CFAP221: variants seen among roughly 807,000 people sequenced by gnomAD.
CFAP221 encodes cilia and flagella associated protein 221, also known as cilia- and flagella-associated protein 221.
Under a neutral mutation model 113.1 loss-of-function variants are expected in CFAP221, and 97 were observed. That is an observed-to-expected ratio of 0.86 (90% CI 0.73 to 1.02). The LOEUF (loss-of-function observed/expected upper bound fraction) is 1.02, where lower values mean the gene tolerates loss of function less well. CFAP221 is among the 50% of genes least tolerant of loss of function. The pLI is 0.00. For missense variants in CFAP221, 1,025 were observed against 1,013.4 expected (o/e 1.01, Z -0.16); for synonymous variants, 331 against 354.4 (o/e 0.93, Z 0.74).
chr2:119,611,441 G>GGAGGTATC (rs1685159343), intron 12 of CFAP221, among the ~76,000 whole-genome samples: 1 of 87,304 alleles, frequency 1.1e-5, no homozygotes, highest in Non-Finnish European at 2.7e-5. Flanking sequence ...AAAAAAAAAA[G>GGAGGTATC]GAGGTATCGA....
At chr2:119,559,836 T>G (rs931932265) in intron 4 of CFAP221, 61 bp downstream of exon 4, 7 of 1,461,964 alleles carry the variant, frequency 4.8e-6, no homozygotes, top group African/African-American at 2.8e-5. Context: ...CAGGCCTGTG[T>G]GGGGTGGGGG....
At chr2:119,562,158 C>A in intron 6 of CFAP221, 44 bp downstream of exon 6, 1 of 1,274,028 alleles carries the variant, frequency 7.8e-7, no homozygotes, top group Non-Finnish European at 1.1e-6. Flanking sequence ...ATGTGAAAAA[C>A]TAAGAGATAC....
intron 7 of CFAP221, among the ~76,000 whole-genome samples, chr2:119,600,518 AC>A: frequency 6.6e-6 from 1 of 152,354 alleles, no homozygotes; most frequent in South Asian, 2.1e-4. Context: ...TAGAAGTGAC[AC>A]AATCAAATAA....
rs368674563 is a variant in CFAP221 at position 119,608,607 on chromosome 2, T to C, written c.1221+18T>C. ...AATATAAGGTCAGAGTTACTGCTAA[T>C]TTGCTATCATTTGTTTCGCTAGATG... On this transcript the variant is annotated intron_variant, in intron 12 of 23. Coordinates refer to ENST00000413369, the MANE Select transcript of CFAP221 (RefSeq NM_001271049.2). 4 of 1,581,880 alleles carry C rather than the reference T, an allele frequency of 2.5e-6. No individual in the cohort carries two copies. The African/African-American group carries it at 5.4e-5, about 22-fold the overall frequency.
intron 6 of CFAP221, among the ~76,000 whole-genome samples, chr2:119,574,348 A>T (rs188502968): frequency 3.9e-5 from 6 of 152,348 alleles, no homozygotes; most frequent in Admixed American, 1.3e-4. Flanking sequence ...GCATGTACAC[A>T]TTGTGGCTTC....
At chr2:119,610,237 C>T (rs189716547) in intron 12 of CFAP221, among the ~76,000 whole-genome samples, 30 of 152,270 alleles carry the variant, frequency 2.0e-4, no homozygotes, top group African/African-American at 6.3e-4. Flanking sequence ...GCAGCCCAGA[C>T]GCCCTGGAAT....
intron 21 of CFAP221, among the ~76,000 whole-genome samples, chr2:119,646,565 C>T (rs951807707): frequency 6.6e-6 from 1 of 152,178 alleles, no homozygotes; most frequent in Middle Eastern, 3.2e-3. Flanking sequence ...CCCCCGCGAT[C>T]CAATCACCTC....
At chr2:119,619,705 G>A (rs967101481) in intron 14 of CFAP221, among the ~76,000 whole-genome samples, 7 of 152,020 alleles carry the variant, frequency 4.6e-5, no homozygotes, top group Admixed American at 1.3e-4. Context: ...ACAATTCCTC[G>A]ACAGCAAGGG....
chr2:119,638,368 G>T lies in CFAP221; in HGVS notation c.2084G>T (p.Arg695Leu). Residue 695 changes from arginine to leucine, a missense_variant, in exon 20 of 24, where the codon CGC (arginine) becomes CTC (leucine). Physicochemically the swap from Arg to Leu is moderately radical, Grantham distance 102 (BLOSUM62 -2). Transcript: ENST00000413369. The part of the protein sequence containing the change: ...HPKYKFTKES[R>L]HGSSIPVTQK... ...AAGTACAAATTCACCAAAGAGTCCC[G>T]CCACGGGTCCAGCATTCCTGTCACC... 1.2e-6 allele frequency: 2 copies of T among 1,614,080 alleles called. No individual in the cohort carries two copies. Among genetic ancestry groups the T allele is most frequent in the Non-Finnish European group, 1.7e-6 (2 of 1,180,014 alleles).
chr2:119,605,696 C>T (rs1027763097), intron 11 of CFAP221, among the ~76,000 whole-genome samples: 7 of 152,134 alleles, frequency 4.6e-5, no homozygotes, highest in Non-Finnish European at 8.8e-5. Flanking sequence ...CTGGGGGGCT[C>T]CTAATGGAGG....
At chr2:119,608,454 C>T (rs867373975) in intron 11 of CFAP221, 48 bp from the exon 12 acceptor site, 1 of 1,382,700 alleles carries the variant, frequency 7.2e-7, no homozygotes, top group Non-Finnish European at 9.9e-7. Context: ...AAAGTTGACT[C>T]TGGTATTCTG....
At position 119,605,185 on chromosome 2, in the gene CFAP221, G is replaced by T; in HGVS notation, c.1029G>T (p.Leu343Phe). ...KLKIKELREVLDQGTEISKTR... is the reference protein window; with the variant it reads ...KLKIKELREVFDQGTEISKTR... Reference sequence around the variant, plus strand: ...ATTGTCTGCTCCTGCCTTCAGTTTTGGACCAGGGCACTGAAATTTCAAAAA... The same window carrying T: ...ATTGTCTGCTCCTGCCTTCAGTTTTTGACCAGGGCACTGAAATTTCAAAAA... Residue 343 changes from leucine (L) to phenylalanine (F), a missense_variant, in exon 11 of 24, where the codon TTG (leucine) becomes TTT (phenylalanine). Coordinates refer to ENST00000413369, the MANE Select transcript of CFAP221 (RefSeq NM_001271049.2). The T allele has an allele frequency of 6.2e-7, 1 of 1,613,238 alleles. No homozygotes were observed. Among genetic ancestry groups the T allele is most frequent in the Non-Finnish European group, 8.5e-7 (1 of 1,179,266 alleles).
intron 13 of CFAP221, among the ~76,000 whole-genome samples, chr2:119,614,168 G>C (rs142660016): frequency 5.9e-5 from 9 of 152,274 alleles, no homozygotes; most frequent in Non-Finnish European, 1.0e-4. Flanking sequence ...ACCTCAGCCT[G>C]GACTTCATTG....
At chr2:119,633,348 G>GA (rs55885662) in intron 19 of CFAP221, among the ~76,000 whole-genome samples, 146,888 of 150,488 alleles carry the variant, frequency 0.98, 71,784 homozygotes, top group Non-Finnish European at 1. Flanking sequence ...ATCCATAAAT[G>GA]AAAAAAAAAT....
intron 19 of CFAP221, among the ~76,000 whole-genome samples, chr2:119,634,232 T>C (rs748066655): frequency 6.6e-6 from 1 of 152,172 alleles, no homozygotes; most frequent in African/African-American, 2.4e-5. Flanking sequence ...CTTAACACTT[T>C]GGGAGGCTAA....
At chr2:119,609,335 G>T (rs1021696111) in intron 12 of CFAP221, among the ~76,000 whole-genome samples, 2 of 152,172 alleles carry the variant, frequency 1.3e-5, no homozygotes, top group Non-Finnish European at 2.9e-5. Context: ...ATATTAATTG[G>T]CTCAGACTGC....
In CFAP221 at chr2:119,652,081, C is replaced by T. The variant is rs1574242819; in HGVS notation, c.2414+12C>T. 2.5e-6 allele frequency: 4 copies of T among 1,582,282 alleles called. No homozygotes were observed. In the East Asian group the frequency reaches 6.7e-5, roughly 27 times the overall value. ...ATCAGGAAGGAGAAGTAAGTGGATG[C>T]TTTTATGCCTTATTAAAAGGTAATC... On this transcript the variant is annotated intron_variant, in intron 23 of 23. Transcript: ENST00000413369.
chr2:119,600,020 G>A (rs6710396), intron 7 of CFAP221, among the ~76,000 whole-genome samples: 141,293 of 152,174 alleles, frequency 0.93, 66,238 homozygotes, highest in South Asian at 0.99. Flanking sequence ...TGGGGGGACT[G>A]TGCGAGGCCT....
chr2:119,578,161 C>T (rs1682586401), intron 6 of CFAP221, among the ~76,000 whole-genome samples: 1 of 152,258 alleles, frequency 6.6e-6, no homozygotes, highest in African/African-American at 2.4e-5. Context: ...CTAGAATGAG[C>T]ATCCCAAGAG....
Sources: gnomAD v4.1 joint callset for allele counts (sites outside exome capture counted in the v4.1 genomes callset) on GRCh38, gnomAD v4.1.1 for gene constraint, MANE v1.5 for transcripts, NCBI Gene and HGNC (gene_info 2026-07-23, HGNC 2026-07-21) for gene names.